The following MTA3 variants were observed in gnomAD, a reference collection of about 807,000 sequenced individuals.
MTA3 encodes the protein metastasis associated 1 family member 3.
A neutral mutation model predicts 83.5 loss-of-function variants in MTA3; 34 were observed. That is an observed-to-expected ratio of 0.41 (90% CI 0.31 to 0.54). MTA3 has a LOEUF of 0.54. MTA3 is among the 20% of genes least tolerant of loss of function. The pLI is 0.33. For missense variants in MTA3, 761 were observed against 726.4 expected (o/e 1.05, Z -0.55); for synonymous variants, 303 against 252.7 (o/e 1.20, Z -1.89).
chr2:42,606,726 G>A (rs1683472049), intron 3 of MTA3, among the ~76,000 whole-genome samples: 1 of 151,720 alleles, frequency 6.6e-6, no homozygotes, highest in African/African-American at 2.4e-5. Flanking sequence ...GGCCAAGGCA[G>A]GCGGCTGGGA....
intron 3 of MTA3, among the ~76,000 whole-genome samples, chr2:42,590,589 T>C (rs1038874357): frequency 1.3e-5 from 2 of 151,210 alleles, no homozygotes; most frequent in African/African-American, 4.9e-5. Context: ...ACTGAGAAAC[T>C]GGGCTTGCTT....
intron 2 of MTA3, among the ~76,000 whole-genome samples, chr2:42,533,924 C>T (rs1314178683): frequency 1.3e-5 from 2 of 150,818 alleles, no homozygotes; most frequent in East Asian, 3.9e-4. Context: ...TTTACTTTTT[C>T]TGTTGTGGCT....
rs1050403435 is a variant in MTA3, at chr2:42,753,885, G to A, written c.*486G>A. On this transcript the variant is annotated 3_prime_UTR_variant, in exon 17 of 17. Transcript: ENST00000405094. ...TAAGAAATGCGCCAGTGTTTATGAGGTTCAAGGTATTTCCCTGTCCTTGCT... is the reference window on the plus strand; with the variant it reads ...TAAGAAATGCGCCAGTGTTTATGAGATTCAAGGTATTTCCCTGTCCTTGCT... 2.0e-6 allele frequency: 2 copies of A among 987,756 alleles called. No homozygotes were observed. The highest frequency in any genetic ancestry group is 2.4e-6 in the Non-Finnish European group (2 of 831,758). 61.2% of individuals were successfully genotyped at this position (987,756 alleles called of 1,614,324 possible).
At chr2:42,667,388 C>T (rs1476159093) in intron 8 of MTA3, among the ~76,000 whole-genome samples, 1 of 152,014 alleles carries the variant, frequency 6.6e-6, no homozygotes, top group Non-Finnish European at 1.5e-5. Flanking sequence ...AAACCTCATC[C>T]CCATTAAACT....
intron 3 of MTA3, among the ~76,000 whole-genome samples, chr2:42,597,203 C>T (rs1354570546): frequency 6.6e-6 from 1 of 151,902 alleles, no homozygotes; most frequent in African/African-American, 2.4e-5. Context: ...TGAGCCACTA[C>T]ACCTGGCCAT....
At chr2:42,670,688 C>T (rs886906329) in intron 8 of MTA3, among the ~76,000 whole-genome samples, 1 of 151,720 alleles carries the variant, frequency 6.6e-6, no homozygotes, top group African/African-American at 2.4e-5. Context: ...GTCTGATCTG[C>T]TGGGGCCTAG....
At chr2:42,634,599 AT>A (rs1687007646) in intron 4 of MTA3, among the ~76,000 whole-genome samples, 1 of 152,344 alleles carries the variant, frequency 6.6e-6, no homozygotes, top group Non-Finnish European at 1.5e-5. Context: ...GGGGATCACA[AT>A]TCAAGATGAG....
In MTA3 at chr2:42,722,453, C is replaced by T. The variant is rs116340297; in HGVS notation, c.1613-436C>T. Among the ~76,000 whole-genome samples the T allele has an allele frequency of 2.3e-3, 352 of 152,206 alleles. 3 individuals carry two copies. The highest frequency in any genetic ancestry group is 7.7e-3 in the African/African-American group (319 of 41,528). On this transcript the variant is annotated intron_variant, in intron 15 of 16. Coordinates refer to ENST00000405094, the MANE Select transcript of MTA3 (RefSeq NM_001330442.2). ...GGTTGCAGAGCCAGAGGAGGAATCC[C>T]GTTTTTCAGAAAGTTCGCATACGTG...
intron 16 of MTA3, among the ~76,000 whole-genome samples, chr2:42,740,470 A>T (rs1474861180): frequency 6.6e-6 from 1 of 152,162 alleles, no homozygotes; most frequent in Non-Finnish European, 1.5e-5. Flanking sequence ...ATGTCACTGC[A>T]CTCCAGCCTG....
chr2:42,738,648 TCTGA>T (rs1668782884), intron 16 of MTA3, among the ~76,000 whole-genome samples: 1 of 152,174 alleles, frequency 6.6e-6, no homozygotes, highest in East Asian at 1.9e-4. Flanking sequence ...AACCTTAAAC[TCTGA>T]CTGCTGGTGA....
chr2:42,666,294 C>G (rs1193173797), intron 8 of MTA3, among the ~76,000 whole-genome samples: 1 of 152,112 alleles, frequency 6.6e-6, no homozygotes, highest in Non-Finnish European at 1.5e-5. Context: ...CAAAACAAAA[C>G]AAAGCGTAAC....
At chr2:42,578,498 A>G (rs1679285589) in intron 2 of MTA3, among the ~76,000 whole-genome samples, 1 of 152,242 alleles carries the variant, frequency 6.6e-6, no homozygotes, top group Non-Finnish European at 1.5e-5. Flanking sequence ...AGTACTGCTT[A>G]GAATATTGAC....
intron 4 of MTA3, among the ~76,000 whole-genome samples, chr2:42,622,303 G>A (rs1225435396): frequency 6.6e-6 from 1 of 152,038 alleles, no homozygotes; most frequent in Non-Finnish European, 1.5e-5. Context: ...GCACTCAGCA[G>A]GCTGAGGCAG....
Position 42,659,172 on chromosome 2 carries a change from G to A in MTA3, c.603-591G>A, listed in dbSNP as rs1573510201. Among the ~76,000 whole-genome samples the A allele has an allele frequency of 3.3e-5, 5 of 152,242 alleles. No individual in the cohort carries two copies. The South Asian group carries it at 1.0e-3, about 32-fold the overall frequency. On this transcript the variant is annotated intron_variant, in intron 7 of 16. Coordinates refer to ENST00000405094, the MANE Select transcript of MTA3 (RefSeq NM_001330442.2). ...TTAAAATACAGGCAGGAAAAGCAGT[G>A]AGTCTTCATTTTATGCTGTATGTGT...
chr2:42,715,867 G>T (rs1666989641), intron 14 of MTA3, among the ~76,000 whole-genome samples: 1 of 152,112 alleles, frequency 6.6e-6, no homozygotes, highest in African/African-American at 2.4e-5. Flanking sequence ...CCTTTGTCAA[G>T]ACATTGAGGA....
chr2:42,599,404 C>T (rs1682262659), intron 3 of MTA3, among the ~76,000 whole-genome samples: 1 of 151,966 alleles, frequency 6.6e-6, no homozygotes, highest in Admixed American at 6.6e-5. Flanking sequence ...ACCATCCTAG[C>T]TAACACAGTG....
chr2:42,524,196 G>T (rs753367199), intron 2 of MTA3, among the ~76,000 whole-genome samples: 1 of 151,898 alleles, frequency 6.6e-6, no homozygotes, highest in Non-Finnish European at 1.5e-5. Context: ...CCTGGGCTTT[G>T]TACACTCTTC....
chr2:42,594,789 C>CGG (rs1386216728), intron 3 of MTA3, among the ~76,000 whole-genome samples: 4 of 106,314 alleles, frequency 3.8e-5, no homozygotes, highest in Non-Finnish European at 7.4e-5. Context: ...TCCAGTGGCG[C>CGG]GATCTCAGCT....
At chr2:42,575,786 G>C (rs537780510) in intron 2 of MTA3, among the ~76,000 whole-genome samples, 1 of 152,274 alleles carries the variant, frequency 6.6e-6, no homozygotes, top group African/African-American at 2.4e-5. Flanking sequence ...TTATTGGGTT[G>C]CACATCTAGG....
Sources: gnomAD v4.1 joint callset for allele counts (sites outside exome capture counted in the v4.1 genomes callset) on GRCh38, gnomAD v4.1.1 for gene constraint, MANE v1.5 for transcripts, NCBI Gene and HGNC (gene_info 2026-07-23, HGNC 2026-07-21) for gene names.